Variants in ARRDC5 observed in about 807,000 individuals in gnomAD.
The protein encoded by ARRDC5 is arrestin domain containing 5.
Under a neutral mutation model 13.3 loss-of-function variants are expected in ARRDC5, and 12 were observed. That is an observed-to-expected ratio of 0.90 (90% CI 0.58 to 1.46). The LOEUF (loss-of-function observed/expected upper bound fraction) is 1.46, where lower values mean the gene tolerates loss of function less well. ARRDC5 is among the 40% of genes most tolerant of loss of function. The pLI is 0.00. For missense variants in ARRDC5, 406 were observed against 418.7 expected (o/e 0.97, Z 0.26); for synonymous variants, 181 against 173.4 (o/e 1.04, Z -0.34).
chr19:4,909,259 G>A, the ARRDC5 span: 4 of 522,562 alleles, frequency 7.7e-6, no homozygotes, highest in African/African-American at 2.0e-5. Flanking sequence ...CACGTGCGGG[G>A]GGTGACCAGG....
At chr19:4,913,766 C>T in the ARRDC5 span, among the ~76,000 whole-genome samples, 1 of 151,046 alleles carries the variant, frequency 6.6e-6, no homozygotes, top group Non-Finnish European at 1.5e-5. Context: ...TCATAACCGC[C>T]TCTTAGTTCC....
At chr19:4,916,818 C>G in the ARRDC5 span, among the ~76,000 whole-genome samples, 2 of 152,234 alleles carry the variant, frequency 1.3e-5, no homozygotes, top group Admixed American at 6.5e-5. Context: ...AGAGCAGTTT[C>G]TCACTTCCTT....
chr19:4,905,186 G>A (rs1256825484), upstream of ARRDC5, among the ~76,000 whole-genome samples: 5 of 140,312 alleles, frequency 3.6e-5, no homozygotes, highest in Middle Eastern at 3.8e-3. Flanking sequence ...GTGTGATCTC[G>A]GCTCACTGCA....
At chr19:4,911,623 C>T in the ARRDC5 span, among the ~76,000 whole-genome samples, 3 of 152,144 alleles carry the variant, frequency 2.0e-5, no homozygotes, top group East Asian at 1.9e-4. Context: ...AGGGGTCCAC[C>T]GACCCTCGTC....
At chr19:4,899,764 C>CAAAAAAA (rs1217500792) in intron 1 of ARRDC5, among the ~76,000 whole-genome samples, 30 of 67,912 alleles carry the variant, frequency 4.4e-4, no homozygotes, top group African/African-American at 9.0e-4. Context: ...CCCGTCTCTA[C>CAAAAAAA]AAAAAAAAAA....
Position 4,891,301 on chromosome 19 carries a change from G to A in ARRDC5, c.732C>T (p.Pro244=), listed in dbSNP as rs192736838. The change falls in exon 3 of 3, where the codon CCC becomes CCT. Residue 244 remains proline (P), a synonymous_variant. Coordinates refer to ENST00000650722, the MANE Select transcript of ARRDC5 (RefSeq NM_001080523.3). ...SELLRQEANT[P]VTRFNTTKVV... is the part of the protein sequence containing the mutation. ...CCTTGGTGGTGTTGAAGCGGGTCAC[G>A]GGGGTGTTGGCCTCCTGCCTCAGAA... 2.9e-5 allele frequency: 46 copies of A among 1,613,912 alleles called. No homozygotes were observed. The African/African-American group carries it at 3.5e-4, about 12-fold the overall frequency.
intron 1 of ARRDC5, among the ~76,000 whole-genome samples, chr19:4,899,647 C>T (rs1289745189): frequency 7.1e-6 from 1 of 141,408 alleles, no homozygotes; most frequent in African/African-American, 2.7e-5. Context: ...AAAGAACTAG[C>T]GGCCGGGCGC....
chr19:4,908,427 C>G, the ARRDC5 span, among the ~76,000 whole-genome samples: 13 of 152,078 alleles, frequency 8.5e-5, no homozygotes, highest in African/African-American at 3.1e-4. Context: ...TCCCCGGTGG[C>G]CTTCAAGGTA....
chr19:4,911,131 C>A, the ARRDC5 span: 6 of 1,263,658 alleles, frequency 4.7e-6, no homozygotes, highest in South Asian at 1.6e-5. Context: ...CCACCTCCCC[C>A]CCCAACAACC....
the ARRDC5 span, among the ~76,000 whole-genome samples, chr19:4,916,558 G>A: frequency 2.7e-4 from 41 of 152,056 alleles, no homozygotes; most frequent in Admixed American, 1.0e-3. Flanking sequence ...GCGGTGACCC[G>A]GCCGGGTCGA....
the ARRDC5 span, chr19:4,909,254 G>A: frequency 1.9e-6 from 1 of 521,650 alleles, no homozygotes; most frequent in Non-Finnish European, 3.4e-6. Flanking sequence ...GTGTCCACGT[G>A]CGGGGGGTGA....
Position 4,896,884 on chromosome 19 carries a change from C to T in ARRDC5, c.254-8G>A. 6.2e-7 allele frequency: 1 copy of T among 1,603,134 alleles called. No homozygotes were observed. Among genetic ancestry groups the T allele is most frequent in the South Asian group, 1.1e-5 (1 of 90,806 alleles). On this transcript the variant is annotated splice_polypyrimidine_tract_variant and splice_region_variant and intron_variant, in intron 1 of 2. Coordinates refer to ENST00000650722, the MANE Select transcript of ARRDC5 (RefSeq NM_001080523.3). ...CTGCACTTAACCAATTATCTGAAAGCAAAACACACCGATGCCATCAGAAGG... is the reference window on the plus strand; with the variant it reads ...CTGCACTTAACCAATTATCTGAAAGTAAAACACACCGATGCCATCAGAAGG...
the ARRDC5 span, among the ~76,000 whole-genome samples, chr19:4,915,982 G>A: frequency 6.6e-6 from 1 of 152,140 alleles, no homozygotes; most frequent in Non-Finnish European, 1.5e-5. Flanking sequence ...AGGAGCCTGT[G>A]TCTGTGTGGA....
chr19:4,912,272 C>T, the ARRDC5 span, among the ~76,000 whole-genome samples: 1 of 152,182 alleles, frequency 6.6e-6, no homozygotes, highest in African/African-American at 2.4e-5. Context: ...GCGCTCTCTT[C>T]CTCCCTCCTC....
At chr19:4,903,746 G>A (rs59904103), upstream of ARRDC5, 17,812 of 151,830 alleles carry the variant, frequency 0.12, 1,150 homozygotes, top group Middle Eastern at 0.19. Context: ...CACATGATTC[G>A]CCTGCCTTGG....
chr19:4,894,510 C>CAAAAAAAAAAAAAAA, intron 2 of ARRDC5, among the ~76,000 whole-genome samples: 80 of 27,204 alleles, frequency 2.9e-3, no homozygotes, highest in African/African-American at 8.8e-3. Context: ...GACTCCGTCT[C>CAAAAAAAAAAAAAAA]AAAAAAAAAA....
chr19:4,893,483 G>A (rs2146242795), intron 2 of ARRDC5, among the ~76,000 whole-genome samples: 1 of 148,194 alleles, frequency 6.7e-6, no homozygotes. Flanking sequence ...TCCAGCCTGA[G>A]CAACAGAGTG....
the ARRDC5 span, among the ~76,000 whole-genome samples, chr19:4,914,646 A>G: frequency 2.0e-5 from 3 of 146,396 alleles, no homozygotes; most frequent in Admixed American, 1.4e-4. Context: ...TGCGGCCCCC[A>G]CCCCTCAATC....
the ARRDC5 span, among the ~76,000 whole-genome samples, chr19:4,915,355 CG>C: frequency 6.6e-6 from 1 of 152,146 alleles, no homozygotes; most frequent in Non-Finnish European, 1.5e-5. Context: ...GTTGTGGCCC[CG>C]AAGCAGCTGT....
Sources: allele counts gnomAD v4.1 joint callset (sites outside exome capture counted in the v4.1 genomes callset), GRCh38; gene constraint gnomAD v4.1.1; transcripts MANE v1.5; gene names NCBI Gene and HGNC (gene_info 2026-07-23, HGNC 2026-07-21).